MAP2K6: variants seen among roughly 807,000 people sequenced by gnomAD.
The protein encoded by MAP2K6 is dual specificity mitogen-activated protein kinase kinase 6.
Under a neutral mutation model 53.7 loss-of-function variants are expected in MAP2K6, and 16 were observed. That is an observed-to-expected ratio of 0.30 (90% CI 0.20 to 0.45). MAP2K6 has a LOEUF of 0.45. MAP2K6 is among the 20% of genes least tolerant of loss of function. MAP2K6 has a pLI of 1.00. For missense variants in MAP2K6, 204 were observed against 411.9 expected, an observed-to-expected ratio of 0.50 and a Z score of 4.37; for synonymous variants, 132 against 143.1, an observed-to-expected ratio of 0.92 and a Z score of 0.55.
chr17:69,484,066 G>A lies in MAP2K6; in HGVS notation c.17-21714G>A, dbSNP rs144700613. The stretch of plus-strand genomic sequence containing the variant: ...CTTAGATATAATAGCAAAACCGTAA[G>A]CACCTATGAAAAGATAGGTAAGTTA... On this transcript the variant is annotated intron_variant, in intron 1 of 11. Coordinates refer to ENST00000590474, the MANE Select transcript of MAP2K6 (RefSeq NM_002758.4). Among the ~76,000 whole-genome samples the A allele has an allele frequency of 3.8e-3, 582 of 152,092 alleles. 4 individuals carry two copies. The highest frequency in any genetic ancestry group is 0.013 in the African/African-American group (560 of 41,508).
chr17:69,546,619 G>A lies in MAP2K6; in HGVS notation c.*4866G>A, dbSNP rs1309771672. ...GTTCCTAATTTCCTACCCAAATGCT[G>A]TTTTGGCTGTGTTACTCCCTCTGCC... On this transcript the variant is annotated 3_prime_UTR_variant, in exon 12 of 12. Coordinates refer to ENST00000590474, the MANE Select transcript of MAP2K6 (RefSeq NM_002758.4). 1 of 152,100 alleles carries A rather than the reference G, an allele frequency of 6.6e-6. No individual in the cohort carries two copies. Among genetic ancestry groups the A allele is most frequent in the East Asian group, 1.9e-4 (1 of 5,188 alleles). 9.4% of individuals were successfully genotyped at this position (152,100 alleles called of 1,614,324 possible). A position where few individuals can be genotyped will look rare whatever the true frequency, so the allele number is the denominator to read the frequency against.
intron 1 of MAP2K6, among the ~76,000 whole-genome samples, chr17:69,498,735 G>C (rs1236005931): frequency 1.3e-5 from 2 of 151,842 alleles, no homozygotes; most frequent in East Asian, 3.9e-4. Context: ...GTCTTTATTG[G>C]GTACAGGGCG....
chr17:69,421,901 A>G (rs1906095281), intron 1 of MAP2K6, among the ~76,000 whole-genome samples: 2 of 151,668 alleles, frequency 1.3e-5, no homozygotes, highest in African/African-American at 2.4e-5. Flanking sequence ...CTTCGCAAGG[A>G]TCACCTCCCA....
chr17:69,541,829 A>G lies in MAP2K6; in HGVS notation c.*76A>G, dbSNP rs1911653380. The G allele has an allele frequency of 9.5e-7, 1 of 1,051,544 alleles. No homozygotes were observed. The highest frequency in any genetic ancestry group is 1.6e-5 in the African/African-American group (1 of 62,838). The allele number at this position is 1,051,544 out of a possible 1,614,324, so 65.1% of individuals were successfully genotyped here. On this transcript the variant is annotated 3_prime_UTR_variant, in exon 12 of 12. Coordinates refer to ENST00000590474, the MANE Select transcript of MAP2K6 (RefSeq NM_002758.4). Reference sequence around the variant, plus strand: ...GGTGAAGCAAGTTCACTACAGCATCAATAGAAAGTCATCTTTGAGATAATT... The same window carrying G: ...GGTGAAGCAAGTTCACTACAGCATCGATAGAAAGTCATCTTTGAGATAATT...
rs1912019258 is a variant in MAP2K6 at position 69,549,691 on chromosome 17, A to G, written c.*7938A>G. 6.6e-6 allele frequency: 1 copy of G among 152,210 alleles called. No homozygotes were observed. The highest frequency in any genetic ancestry group is 1.5e-5 in the Non-Finnish European group (1 of 68,024). The allele number at this position is 152,210 out of a possible 1,614,324, so 9.4% of individuals were successfully genotyped here. A position where few individuals can be genotyped will look rare whatever the true frequency, so the allele number is the denominator to read the frequency against. ...CGACCTTATAATAAGAACTTCCTTT[A>G]AAGATGAGCAGCAAGGTTGGGTATC... is the stretch of plus-strand genomic sequence containing the variant. On this transcript the variant is annotated 3_prime_UTR_variant, in exon 12 of 12. Transcript: ENST00000590474.
chr17:69,525,464 C>T (rs1910719233), intron 9 of MAP2K6, among the ~76,000 whole-genome samples: 2 of 152,108 alleles, frequency 1.3e-5, no homozygotes, highest in Admixed American at 6.5e-5. Context: ...TGTATTAGTT[C>T]GTTTTCACAC....
intron 2 of MAP2K6, among the ~76,000 whole-genome samples, chr17:69,506,956 T>C (rs1411472452): frequency 6.6e-6 from 1 of 151,968 alleles, no homozygotes; most frequent in Non-Finnish European, 1.5e-5. Flanking sequence ...TTTTTCTCTT[T>C]TTTTTTTCTT....
At chr17:69,499,480 G>C (rs66517015) in intron 1 of MAP2K6, among the ~76,000 whole-genome samples, 1 of 152,110 alleles carries the variant, frequency 6.6e-6, no homozygotes, top group Admixed American at 6.5e-5. Context: ...TCAACATTAC[G>C]TCACTAAGTG....
chr17:69,479,194 A>G (rs1266653164), intron 1 of MAP2K6, among the ~76,000 whole-genome samples: 1 of 152,130 alleles, frequency 6.6e-6, no homozygotes, highest in African/African-American at 2.4e-5. Flanking sequence ...AGAGATGACT[A>G]CAATAGCTGT....
chr17:69,493,666 A>G (rs1004758684), intron 1 of MAP2K6, among the ~76,000 whole-genome samples: 11 of 152,074 alleles, frequency 7.2e-5, no homozygotes, highest in Non-Finnish European at 1.5e-5. Flanking sequence ...GAGGCTGAGA[A>G]AGGAGAATTT....
In MAP2K6 at chr17:69,499,421, C is replaced by G. The variant is rs1909070696; in HGVS notation, c.17-6359C>G. On this transcript the variant is annotated intron_variant, in intron 1 of 11. Transcript: ENST00000590474. ...TTAATGACCTGCGGAGATTGTACAT[C>G]ATCTCCAGTTTGCAGGTGTGGAAAC... Among the ~76,000 whole-genome samples, 3 of 152,210 alleles carry G rather than the reference C, an allele frequency of 2.0e-5. No individual in the cohort carries two copies. In the South Asian group the frequency reaches 6.2e-4, roughly 32 times the overall value.
Position 69,414,841 on chromosome 17 carries a change from C to T in MAP2K6, c.-144C>T, listed in dbSNP as rs1269315848. ...ATTTCCATCTTGATTCCCTGAAAGT[C>T]CATCTGCTGCATCGGTCAAGAGAAA... On this transcript the variant is annotated 5_prime_UTR_variant, in exon 1 of 12. Coordinates refer to ENST00000590474, the MANE Select transcript of MAP2K6 (RefSeq NM_002758.4). 4.3e-6 allele frequency: 3 copies of T among 695,092 alleles called. No individual in the cohort carries two copies. The highest frequency in any genetic ancestry group is 2.6e-5 in the East Asian group (1 of 38,790). 43.1% of individuals were successfully genotyped at this position (695,092 alleles called of 1,614,324 possible). A position where few individuals can be genotyped will look rare whatever the true frequency, so the allele number is the denominator to read the frequency against.
At chr17:69,518,750 A>G (rs1222469379) in intron 4 of MAP2K6, among the ~76,000 whole-genome samples, 1 of 152,250 alleles carries the variant, frequency 6.6e-6, no homozygotes, top group African/African-American at 2.4e-5. Context: ...CTCTCCTATC[A>G]TTTAATGACA....
intron 1 of MAP2K6, 86 bp downstream of exon 1, chr17:69,415,086 G>A (rs889669026): frequency 6.7e-6 from 9 of 1,339,056 alleles, no homozygotes; most frequent in East Asian, 4.7e-5. Context: ...CGCCTGGCGA[G>A]TGCATTTTTA....
At chr17:69,430,142 C>T (rs1906410381) in intron 1 of MAP2K6, among the ~76,000 whole-genome samples, 1 of 152,066 alleles carries the variant, frequency 6.6e-6, no homozygotes, top group Non-Finnish European at 1.5e-5. Flanking sequence ...GCCTGTCCAC[C>T]ATGGTGGAAC....
Position 69,550,834 on chromosome 17 carries a change from A to G in MAP2K6, c.*9081A>G, listed in dbSNP as rs1445124320. On this transcript the variant is annotated 3_prime_UTR_variant, in exon 12 of 12. Coordinates refer to ENST00000590474, the MANE Select transcript of MAP2K6 (RefSeq NM_002758.4). ...GCCATTAAAAACTTGGGAACGTTGGATTAAATGACCACTTTAGGACTTTAA... is the reference window on the plus strand; with the variant it reads ...GCCATTAAAAACTTGGGAACGTTGGGTTAAATGACCACTTTAGGACTTTAA... 6.6e-6 allele frequency: 1 copy of G among 152,176 alleles called. No homozygotes were observed. The highest frequency in any genetic ancestry group is 1.5e-5 in the Non-Finnish European group (1 of 68,034). 9.4% of individuals were successfully genotyped at this position (152,176 alleles called of 1,614,324 possible).
intron 1 of MAP2K6, among the ~76,000 whole-genome samples, chr17:69,436,280 C>T (rs906033389): frequency 6.6e-6 from 1 of 152,032 alleles, no homozygotes; most frequent in African/African-American, 2.4e-5. Flanking sequence ...TCGCTCACTG[C>T]TGGATATGCT....
chr17:69,441,862 A>T (rs552610046), intron 1 of MAP2K6, among the ~76,000 whole-genome samples: 1 of 151,902 alleles, frequency 6.6e-6, no homozygotes, highest in South Asian at 2.1e-4. Flanking sequence ...GAGAGAAGGG[A>T]CTCCCTGTTA....
intron 1 of MAP2K6, among the ~76,000 whole-genome samples, chr17:69,490,383 G>A (rs577408307): frequency 6.6e-6 from 1 of 152,276 alleles, no homozygotes; most frequent in East Asian, 1.9e-4. Context: ...TTGAGTCCAG[G>A]GATTAGCCAG....
Sources: gnomAD v4.1 joint callset for allele counts (sites outside exome capture counted in the v4.1 genomes callset) on GRCh38, gnomAD v4.1.1 for gene constraint, MANE v1.5 for transcripts, NCBI Gene and HGNC (gene_info 2026-07-23, HGNC 2026-07-21) for gene names.